Variants in LRRTM4 observed in about 807,000 individuals in gnomAD.
LRRTM4 encodes leucine rich repeat transmembrane neuronal 4.
LRRTM4 carries 25 observed loss-of-function variants against 47.6 expected under a neutral mutation model. That is an observed-to-expected ratio of 0.53 (90% confidence interval 0.38 to 0.73). The LOEUF is 0.73. Ranked by LOEUF, LRRTM4 falls within the 30% of genes least tolerant of loss-of-function variation. The pLI is 0.00. For synonymous variants in LRRTM4, 311 were observed against 269.5 expected (o/e 1.15, Z -1.51); for missense variants, 638 against 713.4 (o/e 0.89, Z 1.20).
chr2:77,436,860 A>G (rs1675620531), intron 3 of LRRTM4, among the ~76,000 whole-genome samples: 1 of 151,942 alleles, frequency 6.6e-6, no homozygotes, highest in Non-Finnish European at 1.5e-5. Flanking sequence ...CAAAAATAAC[A>G]AAGTATAAGT....
At chr2:77,461,752 C>A (rs569656129) in intron 3 of LRRTM4, among the ~76,000 whole-genome samples, 66 of 151,980 alleles carry the variant, frequency 4.3e-4, no homozygotes, top group Non-Finnish European at 7.5e-4. Flanking sequence ...CTGAGCATGC[C>A]CTGCTCTGGC....
At chr2:77,113,973 G>A (rs1373297750) in intron 3 of LRRTM4, among the ~76,000 whole-genome samples, 6 of 152,092 alleles carry the variant, frequency 3.9e-5, no homozygotes, top group Admixed American at 3.3e-4. Context: ...AAGATCACCA[G>A]GGGGTAATGT....
intron 3 of LRRTM4, among the ~76,000 whole-genome samples, chr2:77,049,155 T>TATAC (rs1553377464): frequency 7.2e-5 from 9 of 125,806 alleles, no homozygotes; most frequent in South Asian, 2.3e-4. Flanking sequence ...TATATATATA[T>TATAC]ATACACACAC....
intron 3 of LRRTM4, among the ~76,000 whole-genome samples, chr2:77,319,755 T>A (rs1677732639): frequency 6.6e-6 from 1 of 152,190 alleles, no homozygotes; most frequent in Admixed American, 6.5e-5. Context: ...GACACCTACA[T>A]TTTGAAATAA....
intron 3 of LRRTM4, among the ~76,000 whole-genome samples, chr2:76,843,192 G>T (rs868019071): frequency 6.6e-6 from 1 of 152,086 alleles, no homozygotes; most frequent in Admixed American, 6.6e-5. Flanking sequence ...AATCTACAAA[G>T]GCCAGAGAAG....
At chr2:77,389,764 T>A (rs1294490644) in intron 3 of LRRTM4, among the ~76,000 whole-genome samples, 2 of 152,060 alleles carry the variant, frequency 1.3e-5, no homozygotes, top group Admixed American at 6.6e-5. Flanking sequence ...AAAGTTAATA[T>A]AATAGCCAAC....
intron 3 of LRRTM4, among the ~76,000 whole-genome samples, chr2:77,506,112 C>T (rs1678757744): frequency 6.6e-6 from 1 of 151,330 alleles, no homozygotes; most frequent in Non-Finnish European, 1.5e-5. Flanking sequence ...AAATATGGTT[C>T]TTACATTGTA....
intron 3 of LRRTM4, among the ~76,000 whole-genome samples, chr2:77,024,141 G>A (rs1437207911): frequency 1.3e-5 from 2 of 152,056 alleles, no homozygotes; most frequent in East Asian, 1.9e-4. Flanking sequence ...GAACAGTATT[G>A]GGGAAACCAC....
chr2:76,749,826 C>A (rs1019577149), intron 3 of LRRTM4, among the ~76,000 whole-genome samples: 1 of 152,146 alleles, frequency 6.6e-6, no homozygotes, highest in African/African-American at 2.4e-5. Flanking sequence ...TGTTCTCATG[C>A]TAGAATATTT....
chr2:77,379,633 G>T (rs551701802), intron 3 of LRRTM4, among the ~76,000 whole-genome samples: 26 of 151,918 alleles, frequency 1.7e-4, no homozygotes, highest in Non-Finnish European at 3.5e-4. Context: ...TCTCTATTGG[G>T]TTATTTTTCT....
chr2:76,894,442 G>A (rs1054379386), intron 3 of LRRTM4, among the ~76,000 whole-genome samples: 2 of 152,014 alleles, frequency 1.3e-5, no homozygotes, highest in African/African-American at 4.8e-5. Context: ...CCAGTTTTGA[G>A]GATATGTCTA....
intron 3 of LRRTM4, among the ~76,000 whole-genome samples, chr2:77,382,724 T>G (rs1673109771): frequency 6.6e-6 from 1 of 152,122 alleles, no homozygotes. Context: ...AATTTTCTGC[T>G]CAGATCATTT....
chr2:77,439,292 C>T (rs1334234955), intron 3 of LRRTM4, among the ~76,000 whole-genome samples: 1 of 152,182 alleles, frequency 6.6e-6, no homozygotes, highest in African/African-American at 2.4e-5. Context: ...TATTTTTCTT[C>T]TTCCTCCCTT....
intron 3 of LRRTM4, among the ~76,000 whole-genome samples, chr2:76,897,663 C>A (rs191856747): frequency 6.6e-6 from 1 of 152,088 alleles, no homozygotes; most frequent in Non-Finnish European, 1.5e-5. Context: ...ATTAATACAA[C>A]TAAAAGGTAA....
chr2:77,323,366 C>T (rs1392236145), intron 3 of LRRTM4, among the ~76,000 whole-genome samples: 1 of 152,098 alleles, frequency 6.6e-6, no homozygotes, highest in African/African-American at 2.4e-5. Context: ...CTGTTACTGT[C>T]AAAGGTTAGA....
chr2:77,009,495 G>A (rs1410897911), intron 3 of LRRTM4: 1 of 151,968 alleles, frequency 6.6e-6, no homozygotes, highest in African/African-American at 2.4e-5. Flanking sequence ...AGCGTCTTAT[G>A]GACACATTAA....
rs531974891 is a variant in LRRTM4, at chr2:77,366,751, T to C, written c.1551+151567A>G. On this transcript the variant is annotated intron_variant, in intron 3 of 3. Transcript: ENST00000409884. ...TACCTCACACATTTACAATATTCAA[T>C]AGACTCTCTAGTCTCAAGAACTATA... Among the ~76,000 whole-genome samples, 6 of 151,956 alleles carry C rather than the reference T, an allele frequency of 3.9e-5. No individual in the cohort carries two copies. The South Asian group carries it at 6.2e-4, about 16-fold the overall frequency.
intron 3 of LRRTM4, among the ~76,000 whole-genome samples, chr2:77,117,398 T>C (rs1161828734): frequency 6.6e-6 from 1 of 151,980 alleles, no homozygotes; most frequent in Non-Finnish European, 1.5e-5. Flanking sequence ...ATATGGTATA[T>C]ACCTCTATTT....
At chr2:77,442,529 C>T in intron 3 of LRRTM4, among the ~76,000 whole-genome samples, 1 of 152,168 alleles carries the variant, frequency 6.6e-6, no homozygotes, top group East Asian at 1.9e-4. Context: ...TTATCACATT[C>T]TACATGAATT....
Sources: allele counts gnomAD v4.1 joint callset (sites outside exome capture counted in the v4.1 genomes callset), GRCh38; gene constraint gnomAD v4.1.1; transcripts MANE v1.5; gene names NCBI Gene and HGNC (gene_info 2026-07-23, HGNC 2026-07-21).